PAPSS2: variants seen among roughly 807,000 people sequenced by gnomAD.
PAPSS2 encodes the protein 3'-phosphoadenosine 5'-phosphosulfate synthase 2, also known as bifunctional 3'-phosphoadenosine 5'-phosphosulfate synthase 2.
PAPSS2 carries 61 observed loss-of-function variants against 66.5 expected under a neutral mutation model. The observed-to-expected ratio is 0.92, with a 90% CI of 0.75 to 1.14. PAPSS2 has a LOEUF of 1.14. PAPSS2 is among the 50% of genes most tolerant of loss of function. The pLI is 0.00. For synonymous variants in PAPSS2, 289 were observed against 287.5 expected, an observed-to-expected ratio of 1.01 and a Z score of -0.05; for missense variants, 708 against 789.6, an observed-to-expected ratio of 0.90 and a Z score of 1.24.
intron 6 of PAPSS2, 81 bp from the exon 7 acceptor site, chr10:87,715,650 GA>G (rs529481473): frequency 5.0e-4 from 418 of 834,686 alleles, no homozygotes; most frequent in Non-Finnish European, 7.4e-4. Flanking sequence ...CCTGTTAACT[GA>G]ATAAGAAAGG....
chr10:87,681,178 T>C (rs1438118015), intron 1 of PAPSS2, among the ~76,000 whole-genome samples: 1 of 152,188 alleles, frequency 6.6e-6, no homozygotes. Context: ...AGTGCCAAGG[T>C]TGAGAAACCC....
At chr10:87,724,666 A>T (rs200172015) in intron 8 of PAPSS2, among the ~76,000 whole-genome samples, 1 of 146,746 alleles carries the variant, frequency 6.8e-6, no homozygotes, top group Non-Finnish European at 1.5e-5. Context: ...ATTTTAATAA[A>T]TTATTTATTA....
chr10:87,722,501 G>A (rs559444047), intron 8 of PAPSS2, among the ~76,000 whole-genome samples: 2 of 152,170 alleles, frequency 1.3e-5, no homozygotes, highest in Non-Finnish European at 2.9e-5. Context: ...AACACAGAAG[G>A]CTTGAAAATT....
At chr10:87,666,804 G>C (rs535447055) in intron 1 of PAPSS2, among the ~76,000 whole-genome samples, 1 of 152,128 alleles carries the variant, frequency 6.6e-6, no homozygotes, top group African/African-American at 2.4e-5. Flanking sequence ...CTACTCCCAG[G>C]AGTGTAGGAA....
chr10:87,733,497 A>T (rs1853755664), intron 9 of PAPSS2, among the ~76,000 whole-genome samples: 2 of 152,220 alleles, frequency 1.3e-5, no homozygotes, highest in Non-Finnish European at 2.9e-5. Context: ...TCTTGTACAA[A>T]CCAAGAGAAC....
At chr10:87,741,194 T>C (rs879400271) in intron 9 of PAPSS2, 41 bp from the exon 10 acceptor site, 1 of 1,605,070 alleles carries the variant, frequency 6.2e-7, no homozygotes. Flanking sequence ...AAAATAGAAA[T>C]CACAATTAAT....
At chr10:87,711,021 T>A (rs1336482724) in intron 2 of PAPSS2, among the ~76,000 whole-genome samples, 1 of 152,150 alleles carries the variant, frequency 6.6e-6, no homozygotes, top group South Asian at 2.1e-4. Context: ...AAATAAAAAA[T>A]TAAATTAAAT....
intron 1 of PAPSS2, among the ~76,000 whole-genome samples, chr10:87,676,374 G>A (rs914452700): frequency 2.0e-5 from 3 of 152,268 alleles, no homozygotes; most frequent in South Asian, 2.1e-4. Flanking sequence ...ATAGACATGA[G>A]TATTAGGGAC....
chr10:87,720,924 A>T (rs1263894025), intron 7 of PAPSS2, among the ~76,000 whole-genome samples: 1 of 152,192 alleles, frequency 6.6e-6, no homozygotes, highest in African/African-American at 2.4e-5. Flanking sequence ...TAAATGTCAC[A>T]TTTAAATTTA....
At chr10:87,736,822 C>T (rs372035477) in intron 9 of PAPSS2, among the ~76,000 whole-genome samples, 26 of 152,080 alleles carry the variant, frequency 1.7e-4, no homozygotes, top group African/African-American at 6.3e-4. Flanking sequence ...GGAGAGTTGG[C>T]CCTTGGCCTT....
chr10:87,685,421 G>C (rs1853075465), intron 1 of PAPSS2, among the ~76,000 whole-genome samples: 1 of 152,212 alleles, frequency 6.6e-6, no homozygotes, highest in South Asian at 2.1e-4. Flanking sequence ...TGAGTGCAGT[G>C]GCTCATGCCT....
chr10:87,673,398 G>C (rs1405823627), intron 1 of PAPSS2, among the ~76,000 whole-genome samples: 1 of 151,948 alleles, frequency 6.6e-6, no homozygotes, highest in Non-Finnish European at 1.5e-5. Context: ...GGCCTCAAGC[G>C]ATCCTCCCAC....
intron 1 of PAPSS2, among the ~76,000 whole-genome samples, chr10:87,688,963 TAA>T (rs199804008): frequency 2.9e-5 from 4 of 135,964 alleles, no homozygotes; most frequent in African/African-American, 8.3e-5. Context: ...TTAACTACCT[TAA>T]AAAAAAAAAC....
rs1188418472 is a variant in PAPSS2 at position 87,703,280 on chromosome 10, T to C, written c.28-5916T>C. On this transcript the variant is annotated intron_variant, in intron 1 of 12. Transcript: ENST00000456849. Reference sequence around the variant, plus strand: ...GCAATAATGACAACAACATTGCGTGTGTGTGTGTGTGTGTGTGTGTGTGTG... The same window carrying C: ...GCAATAATGACAACAACATTGCGTGCGTGTGTGTGTGTGTGTGTGTGTGTG... 8.2e-5 allele frequency among the ~76,000 whole-genome samples: 3 copies of C among 36,480 alleles called. No individual in the cohort carries two copies. The African/African-American group carries it at 1.1e-3, about 14-fold the overall frequency. 23.9% of individuals were successfully genotyped at this position (36,480 alleles called of 152,430 possible).
intron 9 of PAPSS2, among the ~76,000 whole-genome samples, chr10:87,731,509 G>T (rs1386420936): frequency 6.6e-6 from 1 of 152,142 alleles, no homozygotes; most frequent in Non-Finnish European, 1.5e-5. Flanking sequence ...ATTTTGTAAG[G>T]GTATAGCTGC....
At chr10:87,731,730 G>A (rs181554707) in intron 9 of PAPSS2, among the ~76,000 whole-genome samples, 7 of 152,206 alleles carry the variant, frequency 4.6e-5, no homozygotes, top group Middle Eastern at 3.2e-3. Flanking sequence ...AACTGCAGAC[G>A]TGGTGGAAAT....
intron 5 of PAPSS2, 21 bp downstream of exon 5, chr10:87,714,884 T>C (rs1254718011): frequency 1.3e-6 from 2 of 1,485,574 alleles, no homozygotes; most frequent in Non-Finnish European, 1.9e-6. Context: ...CGGTTGTCTT[T>C]TTTTATATGT....
chr10:87,713,312 T>TTTAAAAAAAAAAAAAAAAA lies in PAPSS2; in HGVS notation c.381+2_381+3insTTAAAAAAAAAAAAAAAAA. 1.7e-6 allele frequency: 1 copy of TTTAAAAAAAAAAAAAAAAA among 573,440 alleles called. No homozygotes were observed. The highest frequency in any genetic ancestry group is 5.4e-5 in the East Asian group (1 of 18,690). 35.5% of individuals were successfully genotyped at this position (573,440 alleles called of 1,614,324 possible). A position where few individuals can be genotyped will look rare whatever the true frequency, so the allele number is the denominator to read the frequency against. On this transcript the variant is annotated splice_region_variant and intron_variant, in intron 3 of 12. Coordinates refer to ENST00000456849, the MANE Select transcript of PAPSS2 (RefSeq NM_001015880.2). ...AGCTTTATTTCTCCATTCGCAAAGG[T>TTTAAAAAAAAAAAAAAAAA]AAAAAAAAAAAAAAAAAAAAAAGGC...
At chr10:87,733,271 A>C (rs1432289016) in intron 9 of PAPSS2, among the ~76,000 whole-genome samples, 1 of 152,252 alleles carries the variant, frequency 6.6e-6, no homozygotes, top group Non-Finnish European at 1.5e-5. Flanking sequence ...CAAGGCATCC[A>C]GCCCTCTCTT....
Sources: gnomAD v4.1 joint callset for allele counts (sites outside exome capture counted in the v4.1 genomes callset) on GRCh38, gnomAD v4.1.1 for gene constraint, MANE v1.5 for transcripts, NCBI Gene and HGNC (gene_info 2026-07-23, HGNC 2026-07-21) for gene names.